The following FSTL4 variants were observed in gnomAD, a reference collection of about 807,000 sequenced individuals.
The protein encoded by FSTL4 is follistatin-related protein 4.
FSTL4 carries 28 observed loss-of-function variants against 78.2 expected under a neutral mutation model. The observed-to-expected ratio is 0.36, with a 90% CI of 0.27 to 0.49. FSTL4 has a LOEUF of 0.49. Ranked by LOEUF, FSTL4 falls within the 20% of genes least tolerant of loss-of-function variation. The pLI is 0.98. For missense variants in FSTL4, 922 were observed against 1,084.9 expected, an observed-to-expected ratio of 0.85 and a Z score of 2.11; for synonymous variants, 422 against 440.5, an observed-to-expected ratio of 0.96 and a Z score of 0.53.
chr5:133,712,055 C>T, the FSTL4 span, among the ~76,000 whole-genome samples: 3 of 152,150 alleles, frequency 2.0e-5, no homozygotes, highest in African/African-American at 7.2e-5. Flanking sequence ...CCCCAGGCCG[C>T]CCAAGAACAA....
intron 3 of FSTL4, among the ~76,000 whole-genome samples, chr5:133,524,738 A>G (rs535082165): frequency 4.3e-4 from 66 of 152,362 alleles, no homozygotes; most frequent in Admixed American, 1.4e-3. Context: ...CGCTAAAGCC[A>G]GGAAAATCAC....
At chr5:133,735,028 C>T in the FSTL4 span, among the ~76,000 whole-genome samples, 5 of 152,188 alleles carry the variant, frequency 3.3e-5, no homozygotes, top group Non-Finnish European at 5.9e-5. Flanking sequence ...TCACAAAGTG[C>T]CCCTCATGCT....
the FSTL4 span, among the ~76,000 whole-genome samples, chr5:133,693,881 C>A: frequency 6.6e-6 from 1 of 152,050 alleles, no homozygotes; most frequent in Admixed American, 6.5e-5. Context: ...CTTTTTTGTT[C>A]TGTCTGGGCC....
intron 2 of FSTL4, among the ~76,000 whole-genome samples, chr5:133,592,880 G>C (rs1760661034): frequency 6.6e-6 from 1 of 152,174 alleles, no homozygotes; most frequent in African/African-American, 2.4e-5. Flanking sequence ...AGAGCCATGA[G>C]TCAAATAAAC....
intron 3 of FSTL4, among the ~76,000 whole-genome samples, chr5:133,404,220 C>T (rs1306451381): frequency 1.3e-5 from 2 of 152,246 alleles, no homozygotes; most frequent in African/African-American, 4.8e-5. Flanking sequence ...CACAGCTACA[C>T]AGATGCTGAC....
the FSTL4 span, among the ~76,000 whole-genome samples, chr5:133,742,110 GC>G: frequency 6.6e-6 from 1 of 152,228 alleles, no homozygotes; most frequent in African/African-American, 2.4e-5. Flanking sequence ...ATGGACCCCT[GC>G]ACCCTCTTAC....
At chr5:133,734,506 A>G in the FSTL4 span, among the ~76,000 whole-genome samples, 1 of 152,232 alleles carries the variant, frequency 6.6e-6, no homozygotes, top group East Asian at 1.9e-4. Context: ...AGAAGACAAG[A>G]GAATAGATGA....
At chr5:133,705,857 G>GCACA in the FSTL4 span, among the ~76,000 whole-genome samples, 1 of 130,588 alleles carries the variant, frequency 7.7e-6, no homozygotes, top group East Asian at 2.1e-4. Flanking sequence ...ACACACGCGC[G>GCACA]CACACACACA....
chr5:133,460,283 G>A (rs933786555), intron 3 of FSTL4, among the ~76,000 whole-genome samples: 1 of 151,600 alleles, frequency 6.6e-6, no homozygotes. Context: ...ACCCTCCACC[G>A]GTAACACCTT....
At chr5:133,240,077 A>G (rs1324391987) in intron 7 of FSTL4, among the ~76,000 whole-genome samples, 1 of 152,186 alleles carries the variant, frequency 6.6e-6, no homozygotes, top group Non-Finnish European at 1.5e-5. Flanking sequence ...TTAGGTTTAC[A>G]CTGACTTTAT....
intron 3 of FSTL4, among the ~76,000 whole-genome samples, chr5:133,465,901 C>T (rs567001976): frequency 1.3e-5 from 2 of 152,240 alleles, no homozygotes; most frequent in South Asian, 2.1e-4. Flanking sequence ...GGCTCAACAT[C>T]GTGGCTAGCT....
chr5:133,395,889 T>G (rs939753216), intron 4 of FSTL4, among the ~76,000 whole-genome samples: 1 of 152,176 alleles, frequency 6.6e-6, no homozygotes, highest in African/African-American at 2.4e-5. Context: ...AGCCCGGAGG[T>G]ACATTCTAGG....
At chr5:133,634,269 G>T in the FSTL4 span, among the ~76,000 whole-genome samples, 394 of 152,264 alleles carry the variant, frequency 2.6e-3, 2 homozygotes, top group South Asian at 0.036. Context: ...TAGGGATGGG[G>T]TCACAGGTCT....
the FSTL4 span, among the ~76,000 whole-genome samples, chr5:133,627,151 C>CTTT: frequency 6.1e-3 from 563 of 93,004 alleles, 1 homozygote; most frequent in Non-Finnish European, 7.0e-3. Context: ...CTCTGTGTCT[C>CTTT]TTTTTTTTTT....
chr5:133,342,107 G>T (rs1754595578), intron 4 of FSTL4, among the ~76,000 whole-genome samples: 1 of 152,200 alleles, frequency 6.6e-6, no homozygotes, highest in Non-Finnish European at 1.5e-5. Flanking sequence ...CGAGTGGCAG[G>T]AAAGGGAGCT....
chr5:133,484,900 A>G (rs964682224), intron 3 of FSTL4, among the ~76,000 whole-genome samples: 1 of 152,226 alleles, frequency 6.6e-6, no homozygotes, highest in Admixed American at 6.5e-5. Context: ...TCTAAATGTA[A>G]GCACCTTGTA....
intron 4 of FSTL4, among the ~76,000 whole-genome samples, chr5:133,323,908 A>G (rs531080277): frequency 6.6e-6 from 1 of 152,236 alleles, no homozygotes; most frequent in Non-Finnish European, 1.5e-5. Flanking sequence ...ACACCTCATT[A>G]ATCTAGTTCC....
chr5:133,479,499 G>A (rs1757986813), intron 3 of FSTL4, among the ~76,000 whole-genome samples: 1 of 152,250 alleles, frequency 6.6e-6, no homozygotes, highest in African/African-American at 2.4e-5. Flanking sequence ...TGTGGCACAT[G>A]TGATGGAATA....
the FSTL4 span, among the ~76,000 whole-genome samples, chr5:133,753,690 T>C: frequency 1.0e-5 from 1 of 98,752 alleles, no homozygotes; most frequent in South Asian, 2.9e-4. Context: ...GTTCTGTGTG[T>C]GTGTGTGTGT....
Sources: gnomAD v4.1 joint callset for allele counts (sites outside exome capture counted in the v4.1 genomes callset) on GRCh38, gnomAD v4.1.1 for gene constraint, MANE v1.5 for transcripts, NCBI Gene and HGNC (gene_info 2026-07-23, HGNC 2026-07-21) for gene names.